The following GGA2 variants were observed in gnomAD, a reference collection of about 807,000 sequenced individuals.
GGA2 encodes the protein ADP-ribosylation factor-binding protein GGA2.
In GGA2, 48 loss-of-function variants were observed where a neutral mutation model predicts 79.5. The observed-to-expected ratio is 0.60, with a 90% CI of 0.48 to 0.77. The LOEUF (loss-of-function observed/expected upper bound fraction) is 0.77, where lower values mean the gene tolerates loss of function less well. Ranked by LOEUF, GGA2 falls within the 30% of genes least tolerant of loss-of-function variation. GGA2 has a pLI of 0.00. For missense variants in GGA2, 770 were observed against 774.0 expected (o/e 0.99, Z 0.06); for synonymous variants, 317 against 302.0 (o/e 1.05, Z -0.51).
intron 1 of GGA2, among the ~76,000 whole-genome samples, chr16:23,498,280 CAAA>C (rs1010012690): frequency 1.7e-5 from 2 of 115,770 alleles, no homozygotes; most frequent in Non-Finnish European, 1.8e-5. Flanking sequence ...ACTCTGTCTC[CAAA>C]AAAAAAAAAA....
chr16:23,522,428 C>T (rs1480959339), upstream of GGA2: 3 of 152,442 alleles, frequency 2.0e-5, no homozygotes. Context: ...CAAGATTGGC[C>T]ATTAGCTCCT....
At chr16:23,481,016 A>G (rs887739044) in intron 9 of GGA2, among the ~76,000 whole-genome samples, 1 of 152,206 alleles carries the variant, frequency 6.6e-6, no homozygotes, top group Non-Finnish European at 1.5e-5. Flanking sequence ...TACTGTCCAG[A>G]GTAATGGCCA....
At chr16:23,508,860 T>TTA (rs1239979912) in intron 1 of GGA2, among the ~76,000 whole-genome samples, 2 of 152,084 alleles carry the variant, frequency 1.3e-5, no homozygotes, top group Non-Finnish European at 2.9e-5. Flanking sequence ...CAGCTCCTCC[T>TTA]CACAGGGGAG....
chr16:23,501,795 A>C (rs1303155723), intron 1 of GGA2, among the ~76,000 whole-genome samples: 2 of 152,196 alleles, frequency 1.3e-5, no homozygotes, highest in Non-Finnish European at 2.9e-5. Flanking sequence ...ATCGAGAGGA[A>C]ACATCTTCAA....
Position 23,494,275 on chromosome 16 carries a change from G to T in GGA2, c.252+28C>A, listed in dbSNP as rs776853556. ...TCTCTATAGCACAAGGACAGGAAAGGTTAGGCTACAAGGCAAGCCAAACTC... is the reference window on the plus strand; with the variant it reads ...TCTCTATAGCACAAGGACAGGAAAGTTTAGGCTACAAGGCAAGCCAAACTC... On this transcript the variant is annotated intron_variant, in intron 3 of 16. Transcript: ENST00000309859. The T allele has an allele frequency of 2.8e-6, 4 of 1,453,954 alleles. No homozygotes were observed. The South Asian group carries it at 3.4e-5, about 12-fold the overall frequency. The allele number at this position is 1,453,954 out of a possible 1,614,324, so 90.1% of individuals were successfully genotyped here. A position where few individuals can be genotyped will look rare whatever the true frequency, so the allele number is the denominator to read the frequency against.
At chr16:23,471,092 T>C (rs1016059428) in intron 14 of GGA2, among the ~76,000 whole-genome samples, 35 of 152,076 alleles carry the variant, frequency 2.3e-4, no homozygotes, top group African/African-American at 8.4e-4. Flanking sequence ...CCGCCCACCT[T>C]GACCTCCCAA....
upstream of GGA2, chr16:23,524,104 C>T (rs1442256961): frequency 1.9e-6 from 1 of 517,498 alleles, no homozygotes; most frequent in East Asian, 3.3e-5. Context: ...AACTCCAAAC[C>T]TCTGCTGTGT....
intron 2 of GGA2, among the ~76,000 whole-genome samples, chr16:23,518,303 G>C (rs1331889685): frequency 6.6e-6 from 1 of 152,090 alleles, no homozygotes; most frequent in Non-Finnish European, 1.5e-5. Context: ...CGACTTCCTG[G>C]GCTCCAGCTA....
intron 2 of GGA2, among the ~76,000 whole-genome samples, chr16:23,516,136 T>C (rs946313526): frequency 6.6e-6 from 1 of 151,896 alleles, no homozygotes; most frequent in African/African-American, 2.4e-5. Context: ...GCCTCCCTAA[T>C]AGGTGGGACT....
intron 1 of GGA2, among the ~76,000 whole-genome samples, 179 bp from the exon 2 acceptor site, chr16:23,495,957 G>A (rs1291186151): frequency 1.3e-5 from 2 of 152,232 alleles, no homozygotes; most frequent in East Asian, 3.9e-4. Flanking sequence ...CACAGCATTG[G>A]GCACATGGTA....
intron 1 of GGA2, among the ~76,000 whole-genome samples, chr16:23,506,295 C>T (rs531490222): frequency 6.6e-6 from 1 of 152,232 alleles, no homozygotes; most frequent in South Asian, 2.1e-4. Context: ...ATTGCAGCAC[C>T]AATGGCCCAC....
At position 23,473,330 on chromosome 16, in the gene GGA2, C is replaced by CTTTTTTTTTTT. The variant is rs34972165; in HGVS notation, c.1450+1563_1450+1573dup. 9.9e-5 allele frequency among the ~76,000 whole-genome samples: 7 copies of CTTTTTTTTTTT among 70,672 alleles called. 1 individual carries two copies. Among genetic ancestry groups the CTTTTTTTTTTT allele is most frequent in the Non-Finnish European group, 1.4e-4 (6 of 41,520 alleles). The allele number at this position is 70,672 out of a possible 152,430, so 46.4% of individuals were successfully genotyped here. On this transcript the variant is annotated intron_variant, in intron 14 of 16. Coordinates refer to ENST00000309859, the MANE Select transcript of GGA2 (RefSeq NM_015044.4). ...GTATAGATGATTTTACTTTTCTAGTCTTTTTTTTTTTTTTTTTTTTTTTTT... is the reference window on the plus strand; with the variant it reads ...GTATAGATGATTTTACTTTTCTAGTCTTTTTTTTTTTTTTTTTTTTTTTTTTTTTTTTTTTT...
chr16:23,518,482 G>C (rs1174205110), intron 2 of GGA2, among the ~76,000 whole-genome samples: 1 of 152,114 alleles, frequency 6.6e-6, no homozygotes, highest in Non-Finnish European at 1.5e-5. Flanking sequence ...CAAAGTGCTG[G>C]GACTACAGGA....
Position 23,463,714 on chromosome 16 carries a change from C to A in GGA2, c.*3876G>T, listed in dbSNP as rs963003419. 6.6e-6 allele frequency: 1 copy of A among 152,236 alleles called. No homozygotes were observed. The highest frequency in any genetic ancestry group is 1.5e-5 in the Non-Finnish European group (1 of 68,086). The allele number at this position is 152,236 out of a possible 1,614,324, so 9.4% of individuals were successfully genotyped here. ...TGGGGTCAGGACATGGTGGCTCATG[C>A]CTGTAATCCCAGCACTTTGGGAGGT... On this transcript the variant is annotated 3_prime_UTR_variant, in exon 17 of 17. Transcript: ENST00000309859.
chr16:23,497,235 C>T lies in GGA2; in HGVS notation c.92-1457G>A, dbSNP rs16940203. 9.1e-3 allele frequency among the ~76,000 whole-genome samples: 1,380 copies of T among 152,256 alleles called. 21 individuals carry two copies. Among genetic ancestry groups the T allele is most frequent in the African/African-American group, 0.032 (1,317 of 41,554 alleles). On this transcript the variant is annotated intron_variant, in intron 1 of 16. Transcript: ENST00000309859. ...GCTCTTTTAGGCTCTGGAAATGAGG[C>T]GTTGCTTCTCGGGGCAGTACTTCTG...
chr16:23,473,981 C>T (rs1964546417), intron 14 of GGA2, among the ~76,000 whole-genome samples: 1 of 152,196 alleles, frequency 6.6e-6, no homozygotes, highest in Non-Finnish European at 1.5e-5. Flanking sequence ...CATAGGAGGG[C>T]TCTGTGCTAA....
intron 7 of GGA2, 92 bp downstream of exon 7, chr16:23,486,618 G>A (rs1338460683): frequency 7.4e-6 from 6 of 814,640 alleles, no homozygotes; most frequent in Admixed American, 5.1e-5. Flanking sequence ...CCAGGCAACC[G>A]TTCCTCTACC....
chr16:23,469,134 C>A (rs1425992769), intron 15 of GGA2, 138 bp from the exon 16 acceptor site: 1 of 574,572 alleles, frequency 1.7e-6, no homozygotes, highest in East Asian at 2.8e-5. Flanking sequence ...CCCCGAGGCA[C>A]CTATGGGAGC....
chr16:23,474,486 T>A (rs2142116085), intron 14 of GGA2, among the ~76,000 whole-genome samples: 1 of 152,120 alleles, frequency 6.6e-6, no homozygotes, highest in African/African-American at 2.4e-5. Context: ...GCCTCCCAAG[T>A]AGCTGGGATT....
Sources: gnomAD v4.1 joint callset for allele counts (sites outside exome capture counted in the v4.1 genomes callset) on GRCh38, gnomAD v4.1.1 for gene constraint, MANE v1.5 for transcripts, NCBI Gene and HGNC (gene_info 2026-07-23, HGNC 2026-07-21) for gene names.